The following NIPAL3 variants were observed in gnomAD, a reference collection of about 807,000 sequenced individuals.
NIPAL3 encodes the protein NIPA-like protein 3.
A neutral mutation model predicts 47.2 loss-of-function variants in NIPAL3; 41 were observed. That is an observed-to-expected ratio of 0.87 (90% CI 0.68 to 1.13). NIPAL3 has a LOEUF of 1.13. Ranked by LOEUF, NIPAL3 falls within the 50% of genes most tolerant of loss-of-function variation. The pLI is 0.00. For synonymous variants in NIPAL3, 194 were observed against 209.6 expected (o/e 0.93, Z 0.64); for missense variants, 449 against 530.1 (o/e 0.85, Z 1.50).
At chr1:24,430,276 C>G (rs370670628) in intron 2 of NIPAL3, among the ~76,000 whole-genome samples, 1 of 141,772 alleles carries the variant, frequency 7.1e-6, no homozygotes, top group Non-Finnish European at 1.5e-5. Context: ...GAGTCTCACT[C>G]TTGTTGCCCA....
chr1:24,465,156 G>A (rs1171943508), intron 11 of NIPAL3: 3 of 152,202 alleles, frequency 2.0e-5, no homozygotes, highest in East Asian at 3.8e-4. Flanking sequence ...CAAAATGAAG[G>A]AGCTCTGAGT....
chr1:24,465,365 T>C (rs2148863870), intron 11 of NIPAL3: 1 of 152,360 alleles, frequency 6.6e-6, no homozygotes, highest in Middle Eastern at 3.4e-3. Flanking sequence ...TATGTGTATG[T>C]ATATGTGTGT....
intron 11 of NIPAL3, chr1:24,466,123 G>C: frequency 6.3e-7 from 1 of 1,596,258 alleles, no homozygotes; most frequent in African/African-American, 1.3e-5. Context: ...TCTTAAAAAT[G>C]AGATCGAGAA....
At chr1:24,457,449 C>T (rs907271207) in intron 8 of NIPAL3, among the ~76,000 whole-genome samples, 1 of 152,222 alleles carries the variant, frequency 6.6e-6, no homozygotes, top group African/African-American at 2.4e-5. Flanking sequence ...CTGGGAAGCT[C>T]AGGCTCAGAC....
At chr1:24,426,209 A>G (rs1644580720) in intron 2 of NIPAL3, among the ~76,000 whole-genome samples, 2 of 152,024 alleles carry the variant, frequency 1.3e-5, no homozygotes, top group African/African-American at 4.8e-5. Flanking sequence ...GAGAGACTGC[A>G]GCATGGGTAG....
chr1:24,460,394 A>G, intron 9 of NIPAL3, 87 bp from the exon 10 acceptor site: 1 of 1,084,112 alleles, frequency 9.2e-7, no homozygotes, highest in Non-Finnish European at 1.3e-6. Context: ...TCCTAAATGG[A>G]AGAGAGCTTA....
At chr1:24,423,507 A>G (rs542066767) in intron 2 of NIPAL3, among the ~76,000 whole-genome samples, 3 of 152,282 alleles carry the variant, frequency 2.0e-5, no homozygotes, top group African/African-American at 4.8e-5. Flanking sequence ...GCGGGTGCCT[A>G]TAGTCCCAGC....
rs1645591668 is a variant in NIPAL3 at position 24,445,061 on chromosome 1, A to G, written c.335-124A>G. ...ACACAGGAACCAAGCTTTTGGCAGC[A>G]TGAGTGACAGGTTAGGAAGTACCAA... On this transcript the variant is annotated intron_variant, in intron 4 of 11. Coordinates refer to ENST00000374399, the MANE Select transcript of NIPAL3 (RefSeq NM_020448.5). 7 of 609,760 alleles carry G rather than the reference A, an allele frequency of 1.1e-5. No individual in the cohort carries two copies. In the Admixed American group the frequency reaches 1.7e-4, roughly 15 times the overall value. The allele number at this position is 609,760 out of a possible 1,614,324, so 37.8% of individuals were successfully genotyped here. A position where few individuals can be genotyped will look rare whatever the true frequency, so the allele number is the denominator to read the frequency against.
rs1030169951 is a variant in NIPAL3 at position 24,448,040 on chromosome 1, C to T, written c.395-1441C>T. On this transcript the variant is annotated intron_variant, in intron 5 of 11. Coordinates refer to ENST00000374399, the MANE Select transcript of NIPAL3 (RefSeq NM_020448.5). ...CTGAAGAAAACTTTAGATAACAGAC[C>T]TACTTTATTGAGTTTAACCGTGGCT... 3.9e-5 allele frequency among the ~76,000 whole-genome samples: 6 copies of T among 152,216 alleles called. 1 individual carries two copies. Among genetic ancestry groups the T allele is most frequent in the Non-Finnish European group, 8.8e-5 (6 of 68,044 alleles).
intron 8 of NIPAL3, among the ~76,000 whole-genome samples, chr1:24,456,763 C>T (rs1553141548): frequency 6.6e-6 from 1 of 151,936 alleles, no homozygotes; most frequent in Non-Finnish European, 1.5e-5. Flanking sequence ...TGTTTGTTTG[C>T]TTGTTTGTTT....
At chr1:24,431,847 C>G (rs1644894034) in intron 2 of NIPAL3, among the ~76,000 whole-genome samples, 1 of 151,978 alleles carries the variant, frequency 6.6e-6, no homozygotes, top group South Asian at 2.1e-4. Context: ...TTCTGCACCC[C>G]ACCCCCACCA....
chr1:24,453,435 C>T lies in NIPAL3; in HGVS notation c.568C>T (p.Leu190=), dbSNP rs745357329. 6.2e-7 allele frequency: 1 copy of T among 1,613,492 alleles called. No homozygotes were observed. Among genetic ancestry groups the T allele is most frequent in the African/African-American group, 1.3e-5 (1 of 74,790 alleles). Reference sequence around the variant, plus strand: ...GGTGGAGATCATTCTGTTCTGCTTGCTGCTCTACTTCTACAAGGAGAAGAA... The same window carrying T: ...GGTGGAGATCATTCTGTTCTGCTTGTTGCTCTACTTCTACAAGGAGAAGAA... The part of the protein sequence containing the change: ...MLVEIILFCL[L]LYFYKEKNAN... Residue 190 remains leucine, a synonymous_variant, in exon 7 of 12, where the codon CTG becomes TTG. Transcript: ENST00000374399.
intron 4 of NIPAL3, among the ~76,000 whole-genome samples, chr1:24,442,427 G>A (rs559175706): frequency 2.0e-5 from 3 of 152,328 alleles, no homozygotes; most frequent in East Asian, 1.9e-4. Context: ...CACCTGTTGA[G>A]GGAGATGTTG....
At chr1:24,418,160 G>A (rs1210944091) in intron 1 of NIPAL3, among the ~76,000 whole-genome samples, 1 of 152,104 alleles carries the variant, frequency 6.6e-6, no homozygotes, top group African/African-American at 2.4e-5. Context: ...GGTAAAACAG[G>A]TAGCACATGG....
At chr1:24,414,465 G>A (rs1643920098), upstream of NIPAL3, 1 of 150,526 alleles carries the variant, frequency 6.6e-6, no homozygotes. Flanking sequence ...CGGTCTCAGC[G>A]ACCTTGTCAC....
At chr1:24,414,921 G>T (rs1243008125), upstream of NIPAL3, 1 of 152,150 alleles carries the variant, frequency 6.6e-6, no homozygotes, top group African/African-American at 2.4e-5. Context: ...CAGCCCTGCT[G>T]GCCTTCGGGC....
At chr1:24,448,368 G>C (rs1645771146) in intron 5 of NIPAL3, among the ~76,000 whole-genome samples, 2 of 152,144 alleles carry the variant, frequency 1.3e-5, no homozygotes, top group Admixed American at 1.3e-4. Flanking sequence ...AGAGATAAGA[G>C]CCATGCCACC....
At chr1:24,463,074 A>G (rs1424172206) in intron 10 of NIPAL3, among the ~76,000 whole-genome samples, 1 of 152,146 alleles carries the variant, frequency 6.6e-6, no homozygotes, top group East Asian at 1.9e-4. Context: ...CTGTAATCCC[A>G]GGTACTGGGG....
At chr1:24,455,545 G>A (rs970947206) in intron 7 of NIPAL3, among the ~76,000 whole-genome samples, 12 of 152,270 alleles carry the variant, frequency 7.9e-5, no homozygotes, top group South Asian at 2.1e-4. Context: ...CCAGCTGGGC[G>A]CGGAGGCTCA....
Sources: gnomAD v4.1 joint callset for allele counts (sites outside exome capture counted in the v4.1 genomes callset) on GRCh38, gnomAD v4.1.1 for gene constraint, MANE v1.5 for transcripts, NCBI Gene and HGNC (gene_info 2026-07-23, HGNC 2026-07-21) for gene names.